The following CRY1 variants were observed in gnomAD, a reference collection of about 807,000 sequenced individuals.
CRY1 encodes the protein cryptochrome circadian regulator 1.
CRY1 carries 45 observed loss-of-function variants against 76.0 expected under a neutral mutation model. The observed-to-expected ratio is 0.59, with a 90% CI of 0.47 to 0.76. The LOEUF is 0.76. Among genes scored for constraint, CRY1 ranks in the 30% least tolerant of loss-of-function variants. The pLI, the probability that CRY1 is intolerant of heterozygous loss-of-function variation, is 0.00. For missense variants in CRY1, 587 were observed against 716.4 expected (o/e 0.82, Z 2.06); for synonymous variants, 248 against 244.0 (o/e 1.02, Z -0.15).
intron 1 of CRY1, among the ~76,000 whole-genome samples, chr12:107,090,872 G>GAAC (rs142804531): frequency 0.027 from 4,113 of 152,174 alleles, 68 homozygotes; most frequent in African/African-American, 0.053. Context: ...TAATGAAAGA[G>GAAC]AACTCCAATC....
chr12:107,000,728 C>T (rs911378495), intron 5 of CRY1, among the ~76,000 whole-genome samples: 8 of 152,040 alleles, frequency 5.3e-5, no homozygotes, highest in South Asian at 2.1e-4. Context: ...TGGCTTACTG[C>T]GACTTCTGCC....
At chr12:107,076,970 A>G (rs1035335474) in intron 1 of CRY1, among the ~76,000 whole-genome samples, 5 of 152,156 alleles carry the variant, frequency 3.3e-5, no homozygotes, top group African/African-American at 9.7e-5. Flanking sequence ...GGCTCCCCAA[A>G]AGCAGACGCT....
rs762303771 is a variant in CRY1 at position 107,001,901 on chromosome 12, A to C, written c.458T>G (p.Phe153Cys). Residue 153 changes from phenylalanine to cysteine, a missense_variant, in exon 4 of 13, where the codon TTC (phenylalanine) becomes TGC (cysteine). Phe to Cys is a radical substitution (Grantham distance 205). Coordinates refer to ENST00000008527, the MANE Select transcript of CRY1 (RefSeq NM_004075.5). Reference protein sequence around the residue: ...GGQPPLTYKRFQTLISKMEPL... With the variant: ...GGQPPLTYKRCQTLISKMEPL... ...TTCCATTTTGCTGATGAGAGTCTGG[A>C]ATCTTTTATAAGTTAGAGGCGGTTG... is the stretch of plus-strand genomic sequence containing the variant. 2 of 1,599,292 alleles carry C rather than the reference A, an allele frequency of 1.3e-6. No homozygotes were observed. Among genetic ancestry groups the C allele is most frequent in the South Asian group, 1.1e-5 (1 of 87,456 alleles).
intron 2 of CRY1, among the ~76,000 whole-genome samples, chr12:107,019,781 T>C (rs1490782089): frequency 6.6e-6 from 1 of 151,652 alleles, no homozygotes; most frequent in Non-Finnish European, 1.5e-5. Flanking sequence ...ATTAGCCAAG[T>C]ATGGTGGTAT....
At chr12:107,025,747 C>T (rs1236661727) in intron 1 of CRY1, among the ~76,000 whole-genome samples, 1 of 152,080 alleles carries the variant, frequency 6.6e-6, no homozygotes. Context: ...CTTCATGAGG[C>T]ACACCTTCCC....
chr12:107,013,505 T>C lies in CRY1; in HGVS notation c.268-8257A>G, dbSNP rs76214250. Among the ~76,000 whole-genome samples, 480 of 152,372 alleles carry C rather than the reference T, an allele frequency of 3.2e-3. 6 individuals carry two copies. The highest frequency in any genetic ancestry group is 0.011 in the African/African-American group (467 of 41,592). ...AACAAAAAAATTGTGACTTGCTTTA[T>C]TGTGATGTTTGCTTTATTGCAATAT... On this transcript the variant is annotated intron_variant, in intron 2 of 12. Transcript: ENST00000008527.
Position 107,061,746 on chromosome 12 carries a change from C to T in CRY1, c.158+31058G>A, listed in dbSNP as rs546351557. Among the ~76,000 whole-genome samples the T allele has an allele frequency of 2.0e-4, 30 of 152,206 alleles. 2 individuals are homozygous for T. The South Asian group carries it at 6.2e-3, about 32-fold the overall frequency. On this transcript the variant is annotated intron_variant, in intron 1 of 12. Transcript: ENST00000008527. ...TTTCTTCAAATCCTATTTCAATGCACAAAAATACACATTTTTCTTACCATA... is the reference window on the plus strand; with the variant it reads ...TTTCTTCAAATCCTATTTCAATGCATAAAAATACACATTTTTCTTACCATA...
chr12:107,034,819 A>G (rs752885913), intron 1 of CRY1, among the ~76,000 whole-genome samples: 32 of 152,204 alleles, frequency 2.1e-4, no homozygotes, highest in Non-Finnish European at 3.7e-4. Flanking sequence ...AGAAAAAAAT[A>G]AATACATAAA....
In CRY1 at chr12:107,063,599, T is replaced by C. The variant is rs141864358; in HGVS notation, c.158+29205A>G. 6.9e-3 allele frequency among the ~76,000 whole-genome samples: 1,046 copies of C among 151,968 alleles called. 18 individuals are homozygous for C. Among genetic ancestry groups the C allele is most frequent in the African/African-American group, 0.024 (1,003 of 41,432 alleles). On this transcript the variant is annotated intron_variant, in intron 1 of 12. Coordinates refer to ENST00000008527, the MANE Select transcript of CRY1 (RefSeq NM_004075.5). ...ACCCAGCTGGGTCATAGTTTTTGTT[T>C]TTTTGTTTGTTTTTTGAGACAGAGT...
intron 3 of CRY1, 23 bp from the exon 4 acceptor site, chr12:107,001,971 G>A (rs776681023): frequency 6.5e-7 from 1 of 1,543,942 alleles, no homozygotes; most frequent in Admixed American, 2.3e-5. Context: ...TTAGTAAAAT[G>A]TAGTTAGTAT....
chr12:107,089,686 G>T (rs1270683245), intron 1 of CRY1, among the ~76,000 whole-genome samples: 2 of 152,124 alleles, frequency 1.3e-5, no homozygotes, highest in Admixed American at 1.3e-4. Context: ...AACTAAGAGG[G>T]TTTTCCCCCT....
At chr12:107,054,187 G>T (rs1952955667) in intron 1 of CRY1, among the ~76,000 whole-genome samples, 2 of 152,146 alleles carry the variant, frequency 1.3e-5, no homozygotes, top group South Asian at 4.1e-4. Flanking sequence ...ACAGAGAAAT[G>T]ACCAGAATTA....
Position 107,092,864 on chromosome 12 carries a change from C to G in CRY1, c.98G>C (p.Cys33Ser). 6.2e-7 allele frequency: 1 copy of G among 1,611,078 alleles called. No individual in the cohort carries two copies. The highest frequency in any genetic ancestry group is 8.5e-7 in the Non-Finnish European group (1 of 1,179,636). The part of the protein sequence containing the change: ...ECIQGADTIR[C>S]VYILDPWFAG... ...GAACCAGGGGTCCAGGATGTAGACG[C>G]AGCGGATGGTGTCGGCGCCCTGAAT... The change falls in exon 1 of 13, where the codon TGC becomes TCC. Residue 33 changes from cysteine to serine, a missense_variant. Cys to Ser is a moderately radical substitution (Grantham distance 112). Coordinates refer to ENST00000008527, the MANE Select transcript of CRY1 (RefSeq NM_004075.5).
At chr12:107,083,241 A>G (rs1953349390) in intron 1 of CRY1, among the ~76,000 whole-genome samples, 2 of 152,216 alleles carry the variant, frequency 1.3e-5, no homozygotes, top group African/African-American at 4.8e-5. Flanking sequence ...AGATGGATTC[A>G]CAGCCAAATT....
At chr12:107,032,301 G>A (rs1247866063) in intron 1 of CRY1, among the ~76,000 whole-genome samples, 1 of 152,142 alleles carries the variant, frequency 6.6e-6, no homozygotes, top group Non-Finnish European at 1.5e-5. Context: ...ACAGGAAACA[G>A]GATACAGAGC....
chr12:106,999,921 A>G (rs1952284227), intron 6 of CRY1, 21 bp downstream of exon 6: 1 of 1,591,844 alleles, frequency 6.3e-7, no homozygotes, highest in Non-Finnish European at 8.5e-7. Context: ...TTAAACAATA[A>G]GCTCTAATTT....
At chr12:107,083,461 G>A (rs758440114) in intron 1 of CRY1, among the ~76,000 whole-genome samples, 62 of 152,070 alleles carry the variant, frequency 4.1e-4, no homozygotes, top group African/African-American at 1.3e-3. Flanking sequence ...CTGGCAAACC[G>A]AATCTAGCAG....
Position 107,093,125 on chromosome 12 carries a change from CG to C in CRY1, c.-165del, listed in dbSNP as rs1953496597. On this transcript the variant is annotated 5_prime_UTR_variant, in exon 1 of 13. Transcript: ENST00000008527. ...ACTCCGAGGAGGGGACCGGAGAAGG[CG>C]GGGGCGCCGGAGGCGCAGTGGAAAG... 1.2e-6 allele frequency: 1 copy of C among 826,626 alleles called. No homozygotes were observed. The highest frequency in any genetic ancestry group is 1.8e-5 in the African/African-American group (1 of 57,046). The allele number at this position is 826,626 out of a possible 1,614,324, so 51.2% of individuals were successfully genotyped here.
At position 107,022,092 on chromosome 12, in the gene CRY1, G is replaced by T. The variant is rs1027118019; in HGVS notation, c.259C>A (p.Leu87Ile). 1 of 1,597,558 alleles carries T rather than the reference G, an allele frequency of 6.3e-7. No homozygotes were observed. The change falls in exon 2 of 13, where the codon CTT (leucine) becomes ATT (isoleucine). Residue 87 changes from leucine to isoleucine, a missense_variant. Transcript: ENST00000008527. Reference sequence around the variant, plus strand: ...AATATTTTTCAAATTACCTTGAAAAGCCTGGGAAACACATCTGCTGGTTGT... The same window carrying T: ...AATATTTTTCAAATTACCTTGAAAATCCTGGGAAACACATCTGCTGGTTGT... ...RGQPADVFPR[L>I]FKEWNITKLS...
Sources: gnomAD v4.1 joint callset for allele counts (sites outside exome capture counted in the v4.1 genomes callset) on GRCh38, gnomAD v4.1.1 for gene constraint, MANE v1.5 for transcripts, NCBI Gene and HGNC (gene_info 2026-07-23, HGNC 2026-07-21) for gene names.